SI: variants seen among roughly 807,000 people sequenced by gnomAD.
The protein encoded by SI is sucrase-isomaltase, intestinal.
A neutral mutation model predicts 253.3 loss-of-function variants in SI; 235 were observed. The ratio of observed to expected loss-of-function variants is 0.93; its 90% CI spans 0.83 to 1.03. The LOEUF is 1.03. Ranked by LOEUF, SI falls within the 50% of genes least tolerant of loss-of-function variation. The pLI is 0.00. For missense variants in SI, 2,442 were observed against 2,211.1 expected, an observed-to-expected ratio of 1.10 and a Z score of -2.09; for synonymous variants, 819 against 712.0, an observed-to-expected ratio of 1.15 and a Z score of -2.39.
intron 41 of SI, among the ~76,000 whole-genome samples, chr3:164,992,838 A>C (rs185489369): frequency 1.3e-5 from 2 of 152,026 alleles, no homozygotes; most frequent in African/African-American, 4.8e-5. Flanking sequence ...AAACTCTCTA[A>C]ATAGTAGATT....
At chr3:165,016,812 A>T (rs930660445) in intron 31 of SI, among the ~76,000 whole-genome samples, 2 of 151,960 alleles carry the variant, frequency 1.3e-5, no homozygotes, top group Non-Finnish European at 2.9e-5. Flanking sequence ...CTCCTTTTAA[A>T]TAATAAATTT....
chr3:165,034,268 A>T lies in SI; in HGVS notation c.2516-824T>A, dbSNP rs561341125. Among the ~76,000 whole-genome samples the T allele has an allele frequency of 3.3e-5, 5 of 151,956 alleles. No individual in the cohort carries two copies. The Admixed American group carries it at 3.3e-4, about 10-fold the overall frequency. Reference sequence around the variant, plus strand: ...ATGCACATAGCTACATAGGTATCATATTAGATAACTGATTGAATTATATTA... The same window carrying T: ...ATGCACATAGCTACATAGGTATCATTTTAGATAACTGATTGAATTATATTA... On this transcript the variant is annotated intron_variant, in intron 22 of 47. Coordinates refer to ENST00000264382, the MANE Select transcript of SI (RefSeq NM_001041.4).
At chr3:164,982,765 C>A (rs1717252601) in intron 46 of SI, among the ~76,000 whole-genome samples, 1 of 152,064 alleles carries the variant, frequency 6.6e-6, no homozygotes, top group African/African-American at 2.4e-5. Flanking sequence ...TCCAGTGACC[C>A]TCTAGCCTCA....
intron 13 of SI, among the ~76,000 whole-genome samples, chr3:165,052,589 G>T: frequency 6.6e-6 from 1 of 151,928 alleles, no homozygotes; most frequent in East Asian, 1.9e-4. Flanking sequence ...CCTGGGTGGC[G>T]GAGGTTGCAG....
chr3:165,080,888 T>C (rs1263910468), upstream of SI, among the ~76,000 whole-genome samples: 1 of 151,848 alleles, frequency 6.6e-6, no homozygotes, highest in Non-Finnish European at 1.5e-5. Context: ...GTACTAGAAC[T>C]TAAAGTATAA....
chr3:165,073,208 CTCTCTCTCTCTCTCTCTCTG>C (rs1714707059), intron 3 of SI, among the ~76,000 whole-genome samples: 4 of 69,672 alleles, frequency 5.7e-5, no homozygotes, highest in Admixed American at 1.8e-4. Context: ...CTCTCTCTCT[CTCTCTCTCTCTCTCTCTCTG>C]TCTCTTTCCC....
At chr3:165,038,186 T>C (rs1712632956) in intron 20 of SI, among the ~76,000 whole-genome samples, 162 bp from the exon 21 acceptor site, 1 of 151,924 alleles carries the variant, frequency 6.6e-6, no homozygotes, top group South Asian at 2.1e-4. Flanking sequence ...TTCAGTTTGC[T>C]GAACAAAGTA....
At chr3:164,980,985 T>C (rs975444119) in intron 47 of SI, among the ~76,000 whole-genome samples, 6 of 151,978 alleles carry the variant, frequency 3.9e-5, no homozygotes, top group Admixed American at 2.6e-4. Context: ...ATTGAGTAGT[T>C]GTTTTGGGGA....
chr3:165,019,679 C>T lies in SI; in HGVS notation c.3346G>A (p.Glu1116Lys). 6.2e-7 allele frequency: 1 copy of T among 1,612,640 alleles called. No individual in the cohort carries two copies. Among genetic ancestry groups the T allele is most frequent in the Non-Finnish European group, 8.5e-7 (1 of 1,179,112 alleles). Reference protein sequence around the residue: ...LPSEYIYGFGEVEHTAFKRDL... With the variant: ...LPSEYIYGFGKVEHTAFKRDL... ...CGCTTAAATGCTGTATGTTCCACTT[C>T]CCCAAAACCATATATATATTCTGAT... The change falls in exon 28 of 48, where the codon GAA becomes AAA. Residue 1116 changes from glutamate (E) to lysine (K), a missense_variant. Glu to Lys is a moderately conservative substitution (Grantham distance 56). Transcript: ENST00000264382.
chr3:165,064,633 A>T (rs1417857449), intron 7 of SI, among the ~76,000 whole-genome samples: 2 of 152,158 alleles, frequency 1.3e-5, no homozygotes, highest in Non-Finnish European at 2.9e-5. Context: ...AAACATATAC[A>T]GGAATAATAC....
intron 12 of SI, among the ~76,000 whole-genome samples, chr3:165,056,012 G>A (rs1408373827): frequency 3.9e-5 from 6 of 152,052 alleles, no homozygotes; most frequent in Admixed American, 3.9e-4. Flanking sequence ...TGTGTATTAT[G>A]CTGTCTTTTT....
At chr3:165,069,045 C>T (rs766975149) in intron 4 of SI, 33 bp downstream of exon 4, 2 of 1,392,688 alleles carry the variant, frequency 1.4e-6, no homozygotes, top group South Asian at 2.3e-5. Flanking sequence ...TAGAATATAT[C>T]ATATTGAATC....
chr3:165,083,905 C>T, the SI span, among the ~76,000 whole-genome samples: 1 of 151,936 alleles, frequency 6.6e-6, no homozygotes, highest in African/African-American at 2.4e-5. Context: ...AGGAGTTTCA[C>T]TCATGCTTTG....
chr3:165,000,221 CT>C (rs973951745), intron 37 of SI, among the ~76,000 whole-genome samples: 1 of 150,918 alleles, frequency 6.6e-6, no homozygotes, highest in Non-Finnish European at 1.5e-5. Context: ...TGGAGGATTT[CT>C]TTTTTTTCTC....
chr3:165,066,043 G>A lies in SI; in HGVS notation c.636-611C>T, dbSNP rs190806870. Among the ~76,000 whole-genome samples, 23 of 151,864 alleles carry A rather than the reference G, an allele frequency of 1.5e-4. 1 individual carries two copies. The highest frequency in any genetic ancestry group is 4.8e-4 in the African/African-American group (20 of 41,478). ...CTGAATTCATGGATTCAACCAACCAGGGATGGAAACTATTTAAGGGGAAAG... is the reference window on the plus strand; with the variant it reads ...CTGAATTCATGGATTCAACCAACCAAGGATGGAAACTATTTAAGGGGAAAG... On this transcript the variant is annotated intron_variant, in intron 6 of 47. Transcript: ENST00000264382.
In SI at chr3:165,016,856, A is replaced by G. The variant is rs1294477430; in HGVS notation, c.3759+692T>C. Among the ~76,000 whole-genome samples, 9 of 152,022 alleles carry G rather than the reference A, an allele frequency of 5.9e-5. 1 individual carries two copies. In the South Asian group the frequency reaches 1.9e-3, roughly 32 times the overall value. On this transcript the variant is annotated intron_variant, in intron 31 of 47. Coordinates refer to ENST00000264382, the MANE Select transcript of SI (RefSeq NM_001041.4). ...ATGTTTCTGTATTGTCAACATATAT[A>G]ATTAATTTCCCATACTAGTTATTCA...
intron 47 of SI, among the ~76,000 whole-genome samples, chr3:164,980,155 C>T (rs573183598): frequency 6.6e-6 from 1 of 151,764 alleles, no homozygotes; most frequent in Non-Finnish European, 1.5e-5. Context: ...TACTACCTAC[C>T]ACATACCAGG....
At chr3:165,005,517 A>G (rs1718463359) in intron 37 of SI, among the ~76,000 whole-genome samples, 1 of 152,152 alleles carries the variant, frequency 6.6e-6, no homozygotes, top group Non-Finnish European at 1.5e-5. Context: ...CCCTAAAAAG[A>G]AAATCTCCAA....
intron 36 of SI, among the ~76,000 whole-genome samples, chr3:165,007,401 T>C (rs1344716086): frequency 6.6e-6 from 1 of 152,080 alleles, no homozygotes; most frequent in Non-Finnish European, 1.5e-5. Flanking sequence ...CATAAGAGAA[T>C]GATGATGAAT....
Sources: gnomAD v4.1 joint callset for allele counts (sites outside exome capture counted in the v4.1 genomes callset) on GRCh38, gnomAD v4.1.1 for gene constraint, MANE v1.5 for transcripts, NCBI Gene and HGNC (gene_info 2026-07-23, HGNC 2026-07-21) for gene names.